The following CLMP variants were observed in gnomAD, a reference collection of about 807,000 sequenced individuals.
The protein encoded by CLMP is CXADR like cell adhesion molecule, also known as CXADR-like membrane protein.
CLMP carries 27 observed loss-of-function variants against 45.2 expected under a neutral mutation model. That is an observed-to-expected ratio of 0.60 (90% CI 0.44 to 0.82). The LOEUF (loss-of-function observed/expected upper bound fraction) is 0.82. Ranked by LOEUF, CLMP falls within the 40% of genes least tolerant of loss-of-function variation. CLMP has a pLI of 0.00. For synonymous variants in CLMP, 167 were observed against 171.4 expected, an observed-to-expected ratio of 0.97 and a Z score of 0.20; for missense variants, 403 against 448.4, an observed-to-expected ratio of 0.90 and a Z score of 0.91.
chr11:123,129,314 G>C (rs1205171946), intron 1 of CLMP, among the ~76,000 whole-genome samples: 1 of 148,314 alleles, frequency 6.7e-6, no homozygotes, highest in African/African-American at 2.5e-5. Context: ...TGGGCAATGA[G>C]TGAAACTCTG....
chr11:123,177,554 A>G (rs1861715553), intron 1 of CLMP, among the ~76,000 whole-genome samples: 1 of 152,154 alleles, frequency 6.6e-6, no homozygotes, highest in East Asian at 1.9e-4. Flanking sequence ...GTAAACATGG[A>G]TTCTGGGCCT....
At chr11:123,173,369 T>C (rs1282606831) in intron 1 of CLMP, among the ~76,000 whole-genome samples, 1 of 152,232 alleles carries the variant, frequency 6.6e-6, no homozygotes, top group African/African-American at 2.4e-5. Flanking sequence ...GACCACAAAG[T>C]GACTTCTATT....
chr11:123,100,353 C>A (rs1866040938), intron 1 of CLMP, among the ~76,000 whole-genome samples: 1 of 151,378 alleles, frequency 6.6e-6, no homozygotes, highest in South Asian at 2.1e-4. Flanking sequence ...TGCACTCCAG[C>A]CTGGGTGACA....
intron 1 of CLMP, chr11:123,136,324 C>T (rs868124733): frequency 1.6e-6 from 1 of 622,136 alleles, no homozygotes. Context: ...CAGTTAAATC[C>T]AACACTTCGT....
At chr11:123,173,258 G>A (rs1861659748) in intron 1 of CLMP, among the ~76,000 whole-genome samples, 1 of 152,250 alleles carries the variant, frequency 6.6e-6, no homozygotes, top group South Asian at 2.1e-4. Context: ...AATTTCCCAT[G>A]ATATGAGACT....
chr11:123,150,605 T>TGAAG (rs10570651), intron 1 of CLMP, among the ~76,000 whole-genome samples: 11 of 70,990 alleles, frequency 1.5e-4, no homozygotes, highest in Non-Finnish European at 3.0e-4. Context: ...AAGGAAGGAA[T>TGAAG]GAAGGAAGGA....
intron 1 of CLMP, among the ~76,000 whole-genome samples, chr11:123,106,493 A>G (rs1197490794): frequency 6.6e-6 from 1 of 151,994 alleles, no homozygotes; most frequent in Non-Finnish European, 1.5e-5. Context: ...TTCAAGACAC[A>G]GCATGATGCA....
At chr11:123,169,306 T>C (rs1861599392) in intron 1 of CLMP, among the ~76,000 whole-genome samples, 1 of 152,216 alleles carries the variant, frequency 6.6e-6, no homozygotes. Context: ...TGCAAGTAAC[T>C]GGGCCTACTC....
chr11:123,143,165 C>T (rs1861189072), intron 1 of CLMP, among the ~76,000 whole-genome samples: 1 of 152,186 alleles, frequency 6.6e-6, no homozygotes, highest in African/African-American at 2.4e-5. Flanking sequence ...ATTATTTAGC[C>T]AGCTGCCTGA....
At chr11:123,083,018 T>G in intron 5 of CLMP, 67 bp downstream of exon 5, 1 of 1,584,408 alleles carries the variant, frequency 6.3e-7, no homozygotes, top group African/African-American at 1.3e-5. Context: ...GATTAGAATG[T>G]CTTAACATTG....
chr11:123,118,929 TTTTC>T (rs1314714578), intron 1 of CLMP, among the ~76,000 whole-genome samples: 2,027 of 98,890 alleles, frequency 0.02, 31 homozygotes, highest in Non-Finnish European at 0.023. Context: ...TTTTCTTTTC[TTTTC>T]TTTCTTTCTT....
intron 1 of CLMP, among the ~76,000 whole-genome samples, chr11:123,103,951 T>C (rs1392619133): frequency 6.6e-6 from 1 of 151,000 alleles, no homozygotes; most frequent in African/African-American, 2.4e-5. Flanking sequence ...TGCCTCAGCC[T>C]CCTGAGTAGC....
intron 1 of CLMP, among the ~76,000 whole-genome samples, chr11:123,173,542 C>T (rs1382536433): frequency 6.6e-6 from 1 of 152,162 alleles, no homozygotes; most frequent in East Asian, 1.9e-4. Flanking sequence ...ATGATCTCAT[C>T]TTGAGGTTTG....
At chr11:123,101,309 G>C (rs1210586640) in intron 1 of CLMP, among the ~76,000 whole-genome samples, 1 of 152,166 alleles carries the variant, frequency 6.6e-6, no homozygotes, top group Non-Finnish European at 1.5e-5. Flanking sequence ...GCTTCACCAT[G>C]TTAGCCAGGC....
intron 1 of CLMP, among the ~76,000 whole-genome samples, chr11:123,104,159 A>G (rs555279901): frequency 1.2e-4 from 13 of 112,822 alleles, no homozygotes; most frequent in Non-Finnish European, 1.9e-4. Flanking sequence ...TTTTTAATCC[A>G]GATTCTCCCT....
chr11:123,088,131 A>G (rs979538396), intron 2 of CLMP, among the ~76,000 whole-genome samples: 2 of 152,004 alleles, frequency 1.3e-5, no homozygotes, highest in African/African-American at 2.4e-5. Context: ...GCTGGTCTCG[A>G]ACTCCTGACT....
intron 1 of CLMP, among the ~76,000 whole-genome samples, chr11:123,125,696 C>G (rs570454474): frequency 1.3e-5 from 2 of 151,240 alleles, no homozygotes; most frequent in Non-Finnish European, 2.9e-5. Context: ...CTCTGCCTCC[C>G]GGGTTCAAGT....
chr11:123,132,870 C>T (rs1179657015), intron 1 of CLMP, among the ~76,000 whole-genome samples: 1 of 152,038 alleles, frequency 6.6e-6, no homozygotes, highest in East Asian at 1.9e-4. Flanking sequence ...ACCTCCACCT[C>T]CCAGGCTCAA....
chr11:123,181,379 C>T (rs1861767508), intron 1 of CLMP, among the ~76,000 whole-genome samples: 1 of 152,228 alleles, frequency 6.6e-6, no homozygotes, highest in African/African-American at 2.4e-5. Context: ...AGCTCCTGCC[C>T]TGGCTCACCC....
Sources: allele counts gnomAD v4.1 joint callset (sites outside exome capture counted in the v4.1 genomes callset), GRCh38; gene constraint gnomAD v4.1.1; transcripts MANE v1.5; gene names NCBI Gene and HGNC (gene_info 2026-07-23, HGNC 2026-07-21).